NWD2: variants seen among roughly 807,000 people sequenced by gnomAD.
NWD2 encodes NACHT and WD repeat domain containing 2, also known as NACHT and WD repeat domain-containing protein 2.
In NWD2, 37 loss-of-function variants were observed where a neutral mutation model predicts 132.7. The ratio of observed to expected loss-of-function variants is 0.28; its 90% CI spans 0.21 to 0.37. NWD2 has a LOEUF of 0.37. Ranked by LOEUF, NWD2 falls within the 10% of genes least tolerant of loss-of-function variation. The probability of loss-of-function intolerance (pLI) is 1.00; values close to 1 mark genes in which losing one functional copy is unlikely to be tolerated. For synonymous variants in NWD2, 705 were observed against 803.0 expected (o/e 0.88, Z 2.06); for missense variants, 1,592 against 2,122.4 (o/e 0.75, Z 4.91).
chr4:37,334,463 T>C (rs1357298971), intron 2 of NWD2, among the ~76,000 whole-genome samples: 1 of 152,202 alleles, frequency 6.6e-6, no homozygotes, highest in East Asian at 1.9e-4. Context: ...TTTCAATGCT[T>C]GCTTCCTATC....
intron 1 of NWD2, among the ~76,000 whole-genome samples, chr4:37,303,249 C>T (rs1319174664): frequency 6.6e-6 from 1 of 152,106 alleles, no homozygotes; most frequent in Non-Finnish European, 1.5e-5. Flanking sequence ...TGTTGAGAAA[C>T]AGTTGTCTGT....
chr4:37,342,818 G>A lies in NWD2; in HGVS notation c.241-13548G>A, dbSNP rs992395418. Among the ~76,000 whole-genome samples the A allele has an allele frequency of 3.3e-5, 5 of 152,144 alleles. No homozygotes were observed. In the South Asian group the frequency reaches 6.2e-4, roughly 19 times the overall value. On this transcript the variant is annotated intron_variant, in intron 2 of 6. Coordinates refer to ENST00000309447, the MANE Select transcript of NWD2 (RefSeq NM_001144990.2). ...AGTTAGTTGTCTACAGAAGGCTTTC[G>A]ATGAAGCATCATCCAACCTCATATT...
intron 3 of NWD2, among the ~76,000 whole-genome samples, chr4:37,359,156 A>G (rs780184181): frequency 6.6e-6 from 1 of 152,188 alleles, no homozygotes; most frequent in Non-Finnish European, 1.5e-5. Context: ...TGCTGGTAGG[A>G]GAATAAATAA....
chr4:37,286,316 A>G (rs1718229559), intron 1 of NWD2, among the ~76,000 whole-genome samples: 1 of 152,192 alleles, frequency 6.6e-6, no homozygotes, highest in Admixed American at 6.5e-5. Context: ...ATATCATCCA[A>G]ATTACACTTG....
At chr4:37,324,776 G>A (rs996418457) in intron 1 of NWD2, among the ~76,000 whole-genome samples, 2 of 152,094 alleles carry the variant, frequency 1.3e-5, no homozygotes, top group African/African-American at 2.4e-5. Flanking sequence ...ACTCTGCCAG[G>A]CTGCAGCTGC....
At chr4:37,434,799 T>A (rs1577701715) in intron 5 of NWD2, among the ~76,000 whole-genome samples, 2 of 136,330 alleles carry the variant, frequency 1.5e-5, no homozygotes, top group African/African-American at 2.7e-5. Context: ...TTTTTTTTTT[T>A]AACTTTTACA....
intron 1 of NWD2, among the ~76,000 whole-genome samples, chr4:37,293,907 G>T (rs1051025153): frequency 1.3e-5 from 2 of 149,962 alleles, no homozygotes; most frequent in East Asian, 2.0e-4. Context: ...AAAAAGATTT[G>T]GACTTTAAAA....
At chr4:37,370,572 T>C (rs1311516453) in intron 3 of NWD2, among the ~76,000 whole-genome samples, 1 of 152,188 alleles carries the variant, frequency 6.6e-6, no homozygotes, top group Non-Finnish European at 1.5e-5. Context: ...GGATGTTAAT[T>C]GGTCTCCGGC....
chr4:37,244,932 T>A lies in NWD2; in HGVS notation c.-136T>A. ...GCGCCACGGAGCTCGCCAAAGGCGC[T>A]TCGGGCTCGGAGCGGCTCTGAGCCG... On this transcript the variant is annotated 5_prime_UTR_variant, in exon 1 of 7. Coordinates refer to ENST00000309447, the MANE Select transcript of NWD2 (RefSeq NM_001144990.2). The surrounding 1 kb of genome is among the most constrained non-coding windows in gnomAD (Gnocchi z 5.5). 2 of 1,199,036 alleles carry A rather than the reference T, an allele frequency of 1.7e-6. No individual in the cohort carries two copies. The highest frequency in any genetic ancestry group is 1.6e-5 in the South Asian group (1 of 62,676). The allele number at this position is 1,199,036 out of a possible 1,614,324, so 74.3% of individuals were successfully genotyped here. A position where few individuals can be genotyped will look rare whatever the true frequency, so the allele number is the denominator to read the frequency against.
chr4:37,430,908 C>T (rs557100496), intron 4 of NWD2, 133 bp downstream of exon 4: 36 of 713,828 alleles, frequency 5.0e-5, no homozygotes, highest in Non-Finnish European at 8.2e-5. Flanking sequence ...CCCAGGTTTT[C>T]CTTTTAACAA....
chr4:37,367,149 G>A (rs1035091863), intron 3 of NWD2, among the ~76,000 whole-genome samples: 3 of 151,894 alleles, frequency 2.0e-5, no homozygotes, highest in East Asian at 3.9e-4. Flanking sequence ...CTCTGACCTC[G>A]GTGGAATTAA....
At position 37,261,530 on chromosome 4, in the gene NWD2, A is replaced by C. The variant is rs1717636288; in HGVS notation, c.151+16312A>C. Among the ~76,000 whole-genome samples, 4 of 152,336 alleles carry C rather than the reference A, an allele frequency of 2.6e-5. No individual in the cohort carries two copies. In the South Asian group the frequency reaches 8.3e-4, roughly 32 times the overall value. On this transcript the variant is annotated intron_variant, in intron 1 of 6. Coordinates refer to ENST00000309447, the MANE Select transcript of NWD2 (RefSeq NM_001144990.2). ...ACACCCATTTTCCATGAAACTCGCA[A>C]GAATCATACAAGTATTTACTGAGGG... is the stretch of plus-strand genomic sequence containing the variant.
chr4:37,354,296 G>A (rs962394270), intron 2 of NWD2, among the ~76,000 whole-genome samples: 1 of 152,202 alleles, frequency 6.6e-6, no homozygotes, highest in Admixed American at 6.5e-5. Flanking sequence ...GCTGGGAGCT[G>A]TCTCCCAATC....
chr4:37,340,980 G>A (rs893768500), intron 2 of NWD2, among the ~76,000 whole-genome samples: 39 of 152,092 alleles, frequency 2.6e-4, no homozygotes, highest in Admixed American at 5.9e-4. Flanking sequence ...ACTCCTACTC[G>A]CTATACCATA....
chr4:37,427,121 T>C (rs149553466), intron 3 of NWD2, among the ~76,000 whole-genome samples: 1 of 152,054 alleles, frequency 6.6e-6, no homozygotes, highest in Non-Finnish European at 1.5e-5. Flanking sequence ...TTTAATGTGC[T>C]GCCTGTCTAC....
chr4:37,389,742 T>A (rs536908456), intron 3 of NWD2, among the ~76,000 whole-genome samples: 1 of 152,234 alleles, frequency 6.6e-6, no homozygotes, highest in South Asian at 2.1e-4. Flanking sequence ...CTCCTTTTCT[T>A]ATAAAATAAC....
chr4:37,367,112 A>G (rs1720118639), intron 3 of NWD2, among the ~76,000 whole-genome samples: 1 of 152,192 alleles, frequency 6.6e-6, no homozygotes, highest in Non-Finnish European at 1.5e-5. Context: ...ACAAATTTCA[A>G]AGGGTTGAAA....
rs562640991 is a variant in NWD2 at position 37,424,768 on chromosome 4, C to T, written c.358-5804C>T. On this transcript the variant is annotated intron_variant, in intron 3 of 6. Transcript: ENST00000309447. Reference sequence around the variant, plus strand: ...ATAACCCCAAATACTCTATCCTCACCTGTCTTTCCTGACATCCCACCACAG... The same window carrying T: ...ATAACCCCAAATACTCTATCCTCACTTGTCTTTCCTGACATCCCACCACAG... Among the ~76,000 whole-genome samples, 3 of 152,300 alleles carry T rather than the reference C, an allele frequency of 2.0e-5. 1 individual carries two copies. The highest frequency in any genetic ancestry group is 1.3e-4 in the Admixed American group (2 of 15,296).
rs1712716220 is a variant in NWD2, at chr4:37,449,022, G to A, written c.*1805G>A. ...TACTTATGGTTTAGCTACTAGCCAGGGAGGTGGTAGCCCAGAGAAGGCAAA... is the reference window on the plus strand; with the variant it reads ...TACTTATGGTTTAGCTACTAGCCAGAGAGGTGGTAGCCCAGAGAAGGCAAA... On this transcript the variant is annotated 3_prime_UTR_variant, in exon 7 of 7. Coordinates refer to ENST00000309447, the MANE Select transcript of NWD2 (RefSeq NM_001144990.2). The A allele has an allele frequency of 1.3e-5, 2 of 152,312 alleles. No homozygotes were observed. Among genetic ancestry groups the A allele is most frequent in the East Asian group, 1.9e-4 (1 of 5,190 alleles). 9.4% of individuals were successfully genotyped at this position (152,312 alleles called of 1,614,324 possible). A position where few individuals can be genotyped will look rare whatever the true frequency, so the allele number is the denominator to read the frequency against.
Sources: gnomAD v4.1 joint callset for allele counts (sites outside exome capture counted in the v4.1 genomes callset) on GRCh38, gnomAD v4.1.1 for gene constraint, Gnocchi (gnomAD v3.1) non-coding constraint, MANE v1.5 for transcripts, NCBI Gene and HGNC (gene_info 2026-07-23, HGNC 2026-07-21) for gene names.